The following MCTP1 variants were observed in gnomAD, a reference collection of about 807,000 sequenced individuals.
MCTP1 encodes the protein multiple C2 and transmembrane domain containing 1.
MCTP1 carries 69 observed loss-of-function variants against 120.6 expected under a neutral mutation model. The observed-to-expected ratio is 0.57, with a 90% CI of 0.47 to 0.70. The LOEUF is 0.70. MCTP1 is among the 30% of genes least tolerant of loss of function. The pLI is 0.00. For missense variants in MCTP1, 1,203 were observed against 1,248.8 expected (o/e 0.96, Z 0.55); for synonymous variants, 529 against 493.1 (o/e 1.07, Z -0.96).
At chr5:94,965,795 T>C (rs1825446887) in intron 2 of MCTP1, among the ~76,000 whole-genome samples, 1 of 152,154 alleles carries the variant, frequency 6.6e-6, no homozygotes, top group South Asian at 2.1e-4. Flanking sequence ...GAGGACTCTA[T>C]CACGAATAGA....
At chr5:94,920,930 C>T (rs1811505369) in intron 7 of MCTP1, among the ~76,000 whole-genome samples, 1 of 151,846 alleles carries the variant, frequency 6.6e-6, no homozygotes, top group African/African-American at 2.4e-5. Flanking sequence ...CCATTGTGAC[C>T]CTTTTCTTGA....
intron 17 of MCTP1, among the ~76,000 whole-genome samples, chr5:94,806,941 G>A (rs1782451079): frequency 2.0e-5 from 3 of 151,998 alleles, no homozygotes; most frequent in Non-Finnish European, 2.9e-5. Context: ...ATTATTTCAC[G>A]GTCCTTTTAG....
At chr5:95,115,655 G>T (rs1757772053) in intron 1 of MCTP1, among the ~76,000 whole-genome samples, 1 of 151,980 alleles carries the variant, frequency 6.6e-6, no homozygotes, top group Non-Finnish European at 1.5e-5. Context: ...CATCAAAAAG[G>T]CAAATCTAAG....
At chr5:94,787,979 G>T (rs188053638) in intron 18 of MCTP1, among the ~76,000 whole-genome samples, 52 of 152,292 alleles carry the variant, frequency 3.4e-4, no homozygotes, top group African/African-American at 1.2e-3. Flanking sequence ...AGAAGGTTTG[G>T]AATTTAATCC....
chr5:94,757,080 C>A (rs1165358720), intron 19 of MCTP1, among the ~76,000 whole-genome samples: 1 of 152,098 alleles, frequency 6.6e-6, no homozygotes, highest in Admixed American at 6.5e-5. Context: ...ATGTGAATGA[C>A]AGAACCTACC....
At chr5:95,212,528 A>C (rs566482850) in intron 1 of MCTP1, among the ~76,000 whole-genome samples, 9 of 152,052 alleles carry the variant, frequency 5.9e-5, no homozygotes, top group African/African-American at 2.2e-4. Flanking sequence ...CCAGCATCAT[A>C]CTGATACCAA....
chr5:94,939,077 C>T (rs915809675), intron 5 of MCTP1, among the ~76,000 whole-genome samples: 4 of 151,900 alleles, frequency 2.6e-5, no homozygotes, highest in Non-Finnish European at 5.9e-5. Flanking sequence ...TATATGTAAA[C>T]GTATGTGTTC....
chr5:94,902,243 G>T (rs537454181), intron 10 of MCTP1, among the ~76,000 whole-genome samples: 1 of 152,166 alleles, frequency 6.6e-6, no homozygotes, highest in African/African-American at 2.4e-5. Flanking sequence ...AGAATCTGCC[G>T]AGCCGACACT....
At chr5:95,276,986 AGGTCAAGGAGATG>A (rs747622320) in intron 1 of MCTP1, among the ~76,000 whole-genome samples, 11 of 151,964 alleles carry the variant, frequency 7.2e-5, no homozygotes, top group Non-Finnish European at 1.5e-4. Flanking sequence ...AACAAAAAAC[AGGTCAAGGAGATG>A]GGTCAAGGAG....
intron 17 of MCTP1, among the ~76,000 whole-genome samples, chr5:94,801,172 C>A (rs187361773): frequency 2.0e-5 from 3 of 152,196 alleles, no homozygotes; most frequent in Admixed American, 2.0e-4. Context: ...AATATAAGCT[C>A]CTTTAAAGGT....
intron 20 of MCTP1, among the ~76,000 whole-genome samples, chr5:94,714,306 CTT>C (rs1396291079): frequency 3.3e-5 from 5 of 151,910 alleles, no homozygotes; most frequent in African/African-American, 4.8e-5. Context: ...TAAATACAAA[CTT>C]GAAAAAAATA....
At chr5:94,818,953 G>C (rs1561687957) in intron 17 of MCTP1, among the ~76,000 whole-genome samples, 1 of 152,178 alleles carries the variant, frequency 6.6e-6, no homozygotes, top group Non-Finnish European at 1.5e-5. Context: ...TTTAGAACAA[G>C]GGGTTATTTT....
chr5:94,735,627 T>C (rs1237643048), intron 19 of MCTP1, among the ~76,000 whole-genome samples: 1 of 152,072 alleles, frequency 6.6e-6, no homozygotes, highest in East Asian at 1.9e-4. Flanking sequence ...CAGGATAGAG[T>C]ACATAATATA....
intron 1 of MCTP1, among the ~76,000 whole-genome samples, chr5:95,258,730 A>G (rs2152712334): frequency 6.6e-6 from 1 of 152,334 alleles, no homozygotes; most frequent in African/African-American, 2.4e-5. Flanking sequence ...AAAGTTCATT[A>G]AAAATGCTTA....
At chr5:94,986,848 T>G (rs1245032890) in intron 2 of MCTP1, among the ~76,000 whole-genome samples, 3 of 152,064 alleles carry the variant, frequency 2.0e-5, no homozygotes, top group Non-Finnish European at 4.4e-5. Flanking sequence ...TTAAAATGGT[T>G]AACATGTCCA....
At chr5:94,805,213 G>A (rs1782036549) in intron 17 of MCTP1, among the ~76,000 whole-genome samples, 1 of 152,138 alleles carries the variant, frequency 6.6e-6, no homozygotes, top group African/African-American at 2.4e-5. Flanking sequence ...TATGATATTA[G>A]TGGCAACATT....
At chr5:94,886,732 G>A (rs1007235235) in intron 12 of MCTP1, among the ~76,000 whole-genome samples, 1 of 152,122 alleles carries the variant, frequency 6.6e-6, no homozygotes, top group Non-Finnish European at 1.5e-5. Context: ...ATAACTTGTA[G>A]AGGCTGACTG....
intron 19 of MCTP1, among the ~76,000 whole-genome samples, chr5:94,774,448 G>C (rs1774857661): frequency 6.6e-6 from 1 of 152,120 alleles, no homozygotes; most frequent in South Asian, 2.1e-4. Flanking sequence ...AGGAAGCCAT[G>C]GAAAATGGCA....
intron 1 of MCTP1, among the ~76,000 whole-genome samples, chr5:95,210,636 A>C (rs1265205940): frequency 1.5e-4 from 23 of 151,010 alleles, no homozygotes; most frequent in Non-Finnish European, 1.2e-4. Context: ...CCAATTTGCC[A>C]GTCTGTGTCT....
Sources: allele counts gnomAD v4.1 joint callset (sites outside exome capture counted in the v4.1 genomes callset), GRCh38; gene constraint gnomAD v4.1.1; transcripts MANE v1.5; gene names NCBI Gene and HGNC (gene_info 2026-07-23, HGNC 2026-07-21).